Variants in NNMT observed in about 807,000 individuals in gnomAD.
The protein encoded by NNMT is nicotinamide N-methyltransferase.
Under a neutral mutation model 11.7 loss-of-function variants are expected in NNMT, and 10 were observed. The observed-to-expected ratio is 0.85, with a 90% CI of 0.53 to 1.45. NNMT has a LOEUF of 1.45. Ranked by LOEUF, NNMT falls within the 40% of genes most tolerant of loss-of-function variation. The probability of loss-of-function intolerance (pLI) is 0.00; values close to 1 mark genes in which losing one functional copy is unlikely to be tolerated. For missense variants in NNMT, 381 were observed against 319.4 expected, an observed-to-expected ratio of 1.19 and a Z score of -1.47; for synonymous variants, 143 against 133.8, an observed-to-expected ratio of 1.07 and a Z score of -0.48.
At chr11:114,299,543 G>A (rs1388417466) in intron 2 of NNMT, among the ~76,000 whole-genome samples, 1 of 152,092 alleles carries the variant, frequency 6.6e-6, no homozygotes, top group African/African-American at 2.4e-5. Context: ...AAAATGAGTT[G>A]GGAGTGATAT....
chr11:114,298,261 T>G, intron 2 of NNMT, 103 bp downstream of exon 2: 5 of 972,490 alleles, frequency 5.1e-6, no homozygotes, highest in African/African-American at 1.6e-5. Context: ...AAATGGAGAA[T>G]GAGTGGTAAC....
intron 2 of NNMT, among the ~76,000 whole-genome samples, chr11:114,300,972 C>A (rs532587004): frequency 6.6e-6 from 1 of 152,212 alleles, no homozygotes; most frequent in South Asian, 2.1e-4. Flanking sequence ...TTTAGTGATT[C>A]AGTACTGACA....
chr11:114,260,466 A>G (rs1945069451), intron 1 of NNMT, among the ~76,000 whole-genome samples: 1 of 152,138 alleles, frequency 6.6e-6, no homozygotes, highest in South Asian at 2.1e-4. Context: ...AGCCTTTACC[A>G]AGCAGGTCTA....
At chr11:114,277,288 C>T (rs954891401) in intron 2 of NNMT, among the ~76,000 whole-genome samples, 3 of 151,996 alleles carry the variant, frequency 2.0e-5, no homozygotes, top group Admixed American at 1.3e-4. Flanking sequence ...TAATACCTAT[C>T]CCCAGGGTTA....
intron 2 of NNMT, among the ~76,000 whole-genome samples, chr11:114,276,534 T>C (rs1945214814): frequency 6.6e-6 from 1 of 152,204 alleles, no homozygotes; most frequent in Non-Finnish European, 1.5e-5. Context: ...AGTCTTATTA[T>C]ACATGATTGC....
Position 114,296,450 on chromosome 11 carries a change from A to T in NNMT, c.-107A>T, listed in dbSNP as rs925200059. ...AAGAAGGGCTGAACTGATGGAAGGA[A>T]TGCTGTTAGCCTGAGACTCAGGAAG... On this transcript the variant is annotated 5_prime_UTR_variant, in exon 1 of 3. The change abolishes an upstream ATG in the 5' untranslated region. Coordinates refer to ENST00000299964, the MANE Select transcript of NNMT (RefSeq NM_006169.3). 4.4e-6 allele frequency: 5 copies of T among 1,144,924 alleles called. No homozygotes were observed. The highest frequency in any genetic ancestry group is 1.5e-5 in the African/African-American group (1 of 64,720). 70.9% of individuals were successfully genotyped at this position (1,144,924 alleles called of 1,614,324 possible). A position where few individuals can be genotyped will look rare whatever the true frequency, so the allele number is the denominator to read the frequency against.
chr11:114,306,261 A>G (rs113959847), intron 2 of NNMT, among the ~76,000 whole-genome samples: 37 of 152,290 alleles, frequency 2.4e-4, no homozygotes, highest in Admixed American at 6.5e-4. Context: ...CCTTTGTCAG[A>G]TGGGTAGATT....
chr11:114,297,120 G>T (rs1033452993), intron 1 of NNMT, among the ~76,000 whole-genome samples: 2 of 152,190 alleles, frequency 1.3e-5, no homozygotes, highest in African/African-American at 4.8e-5. Context: ...TTTGGAGAAA[G>T]ACATTATATA....
At position 114,313,151 on chromosome 11, in the gene NNMT, A is replaced by G. The variant is rs774451261; in HGVS notation, c.*674A>G. 6.6e-6 allele frequency: 1 copy of G among 152,260 alleles called. No homozygotes were observed. The highest frequency in any genetic ancestry group is 2.4e-5 in the African/African-American group (1 of 41,462). 9.4% of individuals were successfully genotyped at this position (152,260 alleles called of 1,614,324 possible). On this transcript the variant is annotated 3_prime_UTR_variant, in exon 3 of 3. Coordinates refer to ENST00000299964, the MANE Select transcript of NNMT (RefSeq NM_006169.3). Reference sequence around the variant, plus strand: ...GTGCCTCACTTTCCTCATCTATAAAATGAGATTAAAATAGTCTTTTTATTA... The same window carrying G: ...GTGCCTCACTTTCCTCATCTATAAAGTGAGATTAAAATAGTCTTTTTATTA...
chr11:114,268,914 A>G (rs1033782743), intron 2 of NNMT, among the ~76,000 whole-genome samples: 16 of 151,980 alleles, frequency 1.1e-4, no homozygotes, highest in African/African-American at 3.9e-4. Flanking sequence ...GTAGTTGTTT[A>G]TGGTGAAAGG....
At chr11:114,307,806 G>T (rs1295799024) in intron 2 of NNMT, among the ~76,000 whole-genome samples, 2 of 151,726 alleles carry the variant, frequency 1.3e-5, no homozygotes, top group East Asian at 3.9e-4. Flanking sequence ...GCTTCAGTCT[G>T]GTTAACTCCT....
At chr11:114,275,141 T>C (rs765870313) in intron 2 of NNMT, among the ~76,000 whole-genome samples, 11 of 152,208 alleles carry the variant, frequency 7.2e-5, no homozygotes, top group Non-Finnish European at 4.4e-5. Flanking sequence ...CAATAACATT[T>C]GTAATACACT....
intron 2 of NNMT, among the ~76,000 whole-genome samples, chr11:114,281,651 T>C (rs1015456664): frequency 3.9e-5 from 6 of 152,234 alleles, no homozygotes; most frequent in African/African-American, 9.6e-5. Context: ...AGTTTGGCAC[T>C]GTTTACTGTT....
At chr11:114,287,169 A>T (rs1421839445) in intron 2 of NNMT, among the ~76,000 whole-genome samples, 1 of 152,148 alleles carries the variant, frequency 6.6e-6, no homozygotes, top group African/African-American at 2.4e-5. Context: ...CATGTGTTGT[A>T]GTATCTTTTC....
intron 2 of NNMT, among the ~76,000 whole-genome samples, chr11:114,278,348 C>T (rs1381194782): frequency 6.6e-6 from 1 of 152,146 alleles, no homozygotes; most frequent in East Asian, 1.9e-4. Context: ...TTTGCTCCCA[C>T]GACTCAAACA....
chr11:114,262,708 G>A (rs1444312891), intron 1 of NNMT: 1 of 152,174 alleles, frequency 6.6e-6, no homozygotes, highest in Non-Finnish European at 1.5e-5. Flanking sequence ...GAAACTTCTA[G>A]GATTCTAGGA....
At chr11:114,271,591 A>G (rs899874588) in intron 2 of NNMT, among the ~76,000 whole-genome samples, 1 of 152,142 alleles carries the variant, frequency 6.6e-6, no homozygotes, top group African/African-American at 2.4e-5. Context: ...GCCTCAAGCC[A>G]AGCATGCTCC....
At chr11:114,299,423 G>A (rs1407698054) in intron 2 of NNMT, among the ~76,000 whole-genome samples, 2 of 152,172 alleles carry the variant, frequency 1.3e-5, no homozygotes, top group Non-Finnish European at 2.9e-5. Context: ...AATTTTGAAT[G>A]TTACACCAAA....
chr11:114,263,932 C>G (rs1945101895), intron 2 of NNMT, among the ~76,000 whole-genome samples: 2 of 152,150 alleles, frequency 1.3e-5, no homozygotes, highest in African/African-American at 4.8e-5. Flanking sequence ...CTGCCTGGTT[C>G]TCTGCCTGCC....
Sources: allele counts gnomAD v4.1 joint callset (sites outside exome capture counted in the v4.1 genomes callset), GRCh38; gene constraint gnomAD v4.1.1; transcripts MANE v1.5; gene names NCBI Gene and HGNC (gene_info 2026-07-23, HGNC 2026-07-21).